The following TBKBP1 variants were observed in gnomAD, a reference collection of about 807,000 sequenced individuals.
TBKBP1 encodes the protein TANK-binding kinase 1-binding protein 1.
TBKBP1 carries 47 observed loss-of-function variants against 69.9 expected under a neutral mutation model. The ratio of observed to expected loss-of-function variants is 0.67; its 90% CI spans 0.53 to 0.86. The LOEUF (loss-of-function observed/expected upper bound fraction) is 0.86, where lower values mean the gene tolerates loss of function less well. Among genes scored for constraint, TBKBP1 ranks in the 40% least tolerant of loss-of-function variants. TBKBP1 has a pLI of 0.00. For missense variants in TBKBP1, 831 were observed against 858.6 expected (o/e 0.97, Z 0.40); for synonymous variants, 418 against 390.3 (o/e 1.07, Z -0.84).
At chr17:47,704,877 C>T (rs540384736) in intron 7 of TBKBP1, among the ~76,000 whole-genome samples, 2 of 152,308 alleles carry the variant, frequency 1.3e-5, no homozygotes, top group African/African-American at 4.8e-5. Context: ...TATTTGCAGC[C>T]CAGGGGGCCC....
In TBKBP1 at chr17:47,696,720, A is replaced by G; in HGVS notation, c.235A>G (p.Ile79Val). The G allele has an allele frequency of 6.2e-7, 1 of 1,613,926 alleles. No individual in the cohort carries two copies. Among genetic ancestry groups the G allele is most frequent in the Admixed American group, 1.7e-5 (1 of 60,028 alleles). ...LKVYEIKYPL[I>V]SDFGEEHGFS... ...TCCACCCCACCTGCAGTACCCACTG[A>G]TCAGTGACTTTGGAGAGGAGCATGG... Residue 79 changes from isoleucine (I) to valine (V), a missense_variant, in exon 3 of 10, where the codon ATC becomes GTC. By Grantham distance (29) the Ile-to-Val change is conservative. Coordinates refer to ENST00000578982, the MANE Select transcript of TBKBP1 (RefSeq NM_001394755.1).
At position 47,696,673 on chromosome 17, in the gene TBKBP1, C is replaced by T. The variant is rs368684042; in HGVS notation, c.226-38C>T. 6.6e-5 allele frequency: 106 copies of T among 1,613,382 alleles called. 1 individual carries two copies. The African/African-American group carries it at 1.0e-3, about 15-fold the overall frequency. ...CAGGCTGAGGCCTGGGCTGGGCACC[C>T]GGGAATCCACTCTCCTGAAGCTCCA... On this transcript the variant is annotated intron_variant, in intron 2 of 9. Transcript: ENST00000578982.
Position 47,709,198 on chromosome 17 carries a change from C to A in TBKBP1, c.1465C>A (p.Pro489Thr), listed in dbSNP as rs755958372. 42 of 1,512,022 alleles carry A rather than the reference C, an allele frequency of 2.8e-5. No homozygotes were observed. In the South Asian group the frequency reaches 4.9e-4, roughly 18 times the overall value. The allele number at this position is 1,512,022 out of a possible 1,614,324, so 93.7% of individuals were successfully genotyped here. ...LQAEAATLPK[P>T]RAYGSELYGP... ...GGCCGAAGCGGCCACTCTCCCCAAG[C>A]CCCGGGCCTACGGCAGCGAGCTCTA... Residue 489 changes from proline to threonine, a missense_variant, in exon 9 of 10, where the codon CCC becomes ACC. By Grantham distance (38) the Pro-to-Thr change is conservative. Transcript: ENST00000578982.
rs755934027 is a variant in TBKBP1 at position 47,709,359 on chromosome 17, C to T, written c.1626C>T (p.Cys542=). The change falls in exon 9 of 10, where the codon TGC becomes TGT. Residue 542 remains cysteine, a synonymous_variant. Transcript: ENST00000578982. The stretch of plus-strand genomic sequence containing the variant: ...GCCCGGAGGTGGGCACCATCCGCTG[C>T]GCCTCCTTCTGCGCGGGCTTCCCCA... ...PPSPEVGTIR[C]ASFCAGFPIP... 4.6e-6 allele frequency: 7 copies of T among 1,527,470 alleles called. No homozygotes were observed. The highest frequency in any genetic ancestry group is 1.4e-5 in the African/African-American group (1 of 71,446). 94.6% of individuals were successfully genotyped at this position (1,527,470 alleles called of 1,614,324 possible).
In TBKBP1 at chr17:47,711,091, C is replaced by T. The variant is rs532299032; in HGVS notation, c.*465C>T. ...ACAGGCTGCCTTTGGGGTCCCAGAG[C>T]CTGCTCTGTGCACTGACCCCAGTTC... On this transcript the variant is annotated 3_prime_UTR_variant, in exon 10 of 10. Transcript: ENST00000578982. 30 of 155,304 alleles carry T rather than the reference C, an allele frequency of 1.9e-4. No homozygotes were observed. Among genetic ancestry groups the T allele is most frequent in the Middle Eastern group, 3.3e-3 (1 of 304 alleles). The allele number at this position is 155,304 out of a possible 1,614,324, so 9.6% of individuals were successfully genotyped here. A position where few individuals can be genotyped will look rare whatever the true frequency, so the allele number is the denominator to read the frequency against.
chr17:47,696,166 G>A lies in TBKBP1; in HGVS notation c.54G>A (p.Gly18=). Residue 18 remains glycine (G), a synonymous_variant, in exon 2 of 10, where the codon GGG becomes GGA. Coordinates refer to ENST00000578982, the MANE Select transcript of TBKBP1 (RefSeq NM_001394755.1). ...GCATCCTGACGCAGGAGGCCCTGGGGCCTAGTGAGGTGTGGCTGGACAGTC... is the reference window on the plus strand; with the variant it reads ...GCATCCTGACGCAGGAGGCCCTGGGACCTAGTGAGGTGTGGCTGGACAGTC... ...DISILTQEAL[G]PSEVWLDSPG... 1 of 1,613,652 alleles carries A rather than the reference G, an allele frequency of 6.2e-7. No homozygotes were observed.
At chr17:47,703,209 C>G (rs1020154597) in intron 7 of TBKBP1, among the ~76,000 whole-genome samples, 1 of 152,220 alleles carries the variant, frequency 6.6e-6, no homozygotes, top group South Asian at 2.1e-4. Context: ...CCACCTCCCC[C>G]CCCACCCCTC....
chr17:47,710,577 A>G lies in TBKBP1; in HGVS notation c.1799A>G (p.Asp600Gly). 6.2e-7 allele frequency: 1 copy of G among 1,612,376 alleles called. No homozygotes were observed. The highest frequency in any genetic ancestry group is 8.5e-7 in the Non-Finnish European group (1 of 1,178,958). Residue 600 changes from aspartate (D) to glycine (G), a missense_variant, in exon 10 of 10, where the codon GAT becomes GGT. Physicochemically the swap from Asp to Gly is moderately conservative, Grantham distance 94 (BLOSUM62 -1). Transcript: ENST00000578982. ...QLGFPVGYPD[D>G]ALIKHIDSHL... Reference sequence around the variant, plus strand: ...GGTTTCCCTGTCGGGTACCCGGATGATGCCCTCATCAAACACATTGACTCC... The same window carrying G: ...GGTTTCCCTGTCGGGTACCCGGATGGTGCCCTCATCAAACACATTGACTCC...
intron 7 of TBKBP1, among the ~76,000 whole-genome samples, chr17:47,705,415 C>T (rs112452032): frequency 1.6e-3 from 249 of 152,318 alleles, no homozygotes; most frequent in African/African-American, 5.6e-3. Flanking sequence ...TGCCTGGCCC[C>T]GGGGTGAGCA....
chr17:47,704,880 G>A (rs939466742), intron 7 of TBKBP1, among the ~76,000 whole-genome samples: 4 of 152,218 alleles, frequency 2.6e-5, no homozygotes, highest in Admixed American at 1.3e-4. Context: ...TTGCAGCCCA[G>A]GGGGCCCTCC....
intron 1 of TBKBP1, chr17:47,695,731 C>A (rs986667863): frequency 3.2e-5 from 6 of 189,614 alleles, no homozygotes; most frequent in African/African-American, 1.4e-4. Context: ...TGGAGAAGCG[C>A]GGAGGAATGG....
intron 1 of TBKBP1, among the ~76,000 whole-genome samples, chr17:47,695,081 G>A (rs6503804): frequency 0.63 from 95,745 of 151,972 alleles, 30,969 homozygotes; most frequent in African/African-American, 0.77. Flanking sequence ...ACGCGGCCCG[G>A]ACGTGCCACC....
Position 47,708,764 on chromosome 17 carries a change from C to A in TBKBP1, c.1031C>A (p.Ala344Asp). The change falls in exon 9 of 10, where the codon GCC becomes GAC. Residue 344 changes from alanine (A) to aspartate (D), a missense_variant. Physicochemically the swap from Ala to Asp is moderately radical, Grantham distance 126 (BLOSUM62 -2). Coordinates refer to ENST00000578982, the MANE Select transcript of TBKBP1 (RefSeq NM_001394755.1). The surrounding 1 kb of genome is among the most constrained non-coding windows in gnomAD (Gnocchi z 4.4). ...CCGCTGTCACAACGCCACTCCCCGGCCCCCCAGTGCCCCTCCCCCTCCCCG... is the reference window on the plus strand; with the variant it reads ...CCGCTGTCACAACGCCACTCCCCGGACCCCCAGTGCCCCTCCCCCTCCCCG... The part of the protein sequence containing the change: ...HSPLSQRHSP[A>D]PQCPSPSPPA... 2.8e-6 allele frequency: 3 copies of A among 1,068,254 alleles called. No homozygotes were observed. Among genetic ancestry groups the A allele is most frequent in the Non-Finnish European group, 4.0e-6 (3 of 754,038 alleles). The allele number at this position is 1,068,254 out of a possible 1,614,324, so 66.2% of individuals were successfully genotyped here.
At position 47,710,653 on chromosome 17, in the gene TBKBP1, T is replaced by G. The variant is rs369374766; in HGVS notation, c.*27T>G. 8.7e-4 allele frequency: 1,379 copies of G among 1,584,028 alleles called. 5 individuals carry two copies. In the Middle Eastern group the frequency reaches 0.019, roughly 21 times the overall value. ...GCACCAGCCCCACCCACTGGCTGTT[T>G]CTCCGTCCTCTCCTATCACCCCCAA... is the stretch of plus-strand genomic sequence containing the variant. On this transcript the variant is annotated 3_prime_UTR_variant, in exon 10 of 10. Transcript: ENST00000578982.
intron 7 of TBKBP1, among the ~76,000 whole-genome samples, chr17:47,701,367 A>ACG (rs1198900914): frequency 6.6e-6 from 1 of 151,190 alleles, no homozygotes; most frequent in Non-Finnish European, 1.5e-5. Context: ...ACACACACAC[A>ACG]CACACACACA....
rs1567910292 is a variant in TBKBP1, at chr17:47,708,973, C to T, written c.1240C>T (p.Arg414Cys). Residue 414 changes from arginine (R) to cysteine (C), a missense_variant, in exon 9 of 10, where the codon CGT (arginine) becomes TGT (cysteine). By Grantham distance (180) the Arg-to-Cys change is radical. Transcript: ENST00000578982. This position sits in a 1 kb window ranked among gnomAD's most constrained non-coding sequence, Gnocchi z 4.4. The part of the protein sequence containing the change: ...PSCQSPSPQR[R>C]SPVPPSCPAP... Reference sequence around the variant, plus strand: ...GTGCCAGTCCCCCAGCCCGCAGCGCCGTTCCCCGGTGCCCCCCAGCTGCCC... The same window carrying T: ...GTGCCAGTCCCCCAGCCCGCAGCGCTGTTCCCCGGTGCCCCCCAGCTGCCC... 1.5e-5 allele frequency: 17 copies of T among 1,134,712 alleles called. No individual in the cohort carries two copies. The highest frequency in any genetic ancestry group is 1.8e-5 in the Non-Finnish European group (17 of 926,396). The allele number at this position is 1,134,712 out of a possible 1,614,324, so 70.3% of individuals were successfully genotyped here.
chr17:47,696,933 G>T, intron 3 of TBKBP1, 100 bp downstream of exon 3: 1 of 1,546,062 alleles, frequency 6.5e-7, no homozygotes, highest in Non-Finnish European at 8.7e-7. Context: ...TCTGCCCTTT[G>T]ATTAGAGATG....
At chr17:47,696,868 T>C in intron 3 of TBKBP1, 35 bp downstream of exon 3, 1 of 1,609,504 alleles carries the variant, frequency 6.2e-7, no homozygotes, top group East Asian at 2.2e-5. Flanking sequence ...CCCCTGAGCA[T>C]CTTGCTCCAG....
chr17:47,710,933 C>A lies in TBKBP1; in HGVS notation c.*307C>A. On this transcript the variant is annotated 3_prime_UTR_variant, in exon 10 of 10. Coordinates refer to ENST00000578982, the MANE Select transcript of TBKBP1 (RefSeq NM_001394755.1). Reference sequence around the variant, plus strand: ...CTCCCTCTGCCTTTCTGTTCTTAATCAGGGTTGGATCCAAGAAGGTGTCCA... The same window carrying A: ...CTCCCTCTGCCTTTCTGTTCTTAATAAGGGTTGGATCCAAGAAGGTGTCCA... The A allele has an allele frequency of 4.0e-6, 1 of 252,522 alleles. No homozygotes were observed. The allele number at this position is 252,522 out of a possible 1,614,324, so 15.6% of individuals were successfully genotyped here.
Sources: gnomAD v4.1 joint callset for allele counts (sites outside exome capture counted in the v4.1 genomes callset) on GRCh38, gnomAD v4.1.1 for gene constraint, Gnocchi (gnomAD v3.1) non-coding constraint, MANE v1.5 for transcripts, NCBI Gene and HGNC (gene_info 2026-07-23, HGNC 2026-07-21) for gene names.